FAM3D: variants seen among roughly 807,000 people sequenced by gnomAD.
The protein encoded by FAM3D is FAM3 metabolism regulating signaling molecule D.
A neutral mutation model predicts 29.8 loss-of-function variants in FAM3D; 26 were observed. That is an observed-to-expected ratio of 0.87 (90% CI 0.64 to 1.21). The LOEUF (loss-of-function observed/expected upper bound fraction) is 1.21. FAM3D is among the 50% of genes most tolerant of loss of function. The pLI is 0.00. For synonymous variants in FAM3D, 115 were observed against 102.3 expected, an observed-to-expected ratio of 1.12 and a Z score of -0.75; for missense variants, 253 against 290.9, an observed-to-expected ratio of 0.87 and a Z score of 0.95.
intron 8 of FAM3D, among the ~76,000 whole-genome samples, 173 bp downstream of exon 8, chr3:58,636,968 A>G (rs1397367592): frequency 6.6e-6 from 1 of 152,218 alleles, no homozygotes; most frequent in African/African-American, 2.4e-5. Context: ...CACTGTGGTA[A>G]TGAAGGCTGT....
intron 6 of FAM3D, among the ~76,000 whole-genome samples, chr3:58,640,439 C>G (rs1490374254): frequency 6.6e-6 from 1 of 152,190 alleles, no homozygotes; most frequent in African/African-American, 2.4e-5. Context: ...TCTGTCCTAC[C>G]AGTTTCTAAC....
chr3:58,655,518 A>G, intron 2 of FAM3D, 33 bp downstream of exon 2: 1 of 1,612,196 alleles, frequency 6.2e-7, no homozygotes, highest in Non-Finnish European at 8.5e-7. Flanking sequence ...CAGCTGACAG[A>G]AAAATGACTC....
rs747428988 is a variant in FAM3D at position 58,663,504 on chromosome 3, G to T, written c.-39+3072C>A. 8.0e-4 allele frequency among the ~76,000 whole-genome samples: 122 copies of T among 152,124 alleles called. 2 individuals carry two copies. The highest frequency in any genetic ancestry group is 2.6e-4 in the Admixed American group (4 of 15,272). ...TGGTTTGAGCTGGTTTCTGTCACTTGCACCCAGAAAAGTCCTACCTGATAC... is the reference window on the plus strand; with the variant it reads ...TGGTTTGAGCTGGTTTCTGTCACTTTCACCCAGAAAAGTCCTACCTGATAC... On this transcript the variant is annotated intron_variant, in intron 1 of 9. Transcript: ENST00000358781.
intron 1 of FAM3D, among the ~76,000 whole-genome samples, chr3:58,657,234 C>T (rs374221232): frequency 1.3e-5 from 2 of 151,802 alleles, no homozygotes; most frequent in Non-Finnish European, 1.5e-5. Flanking sequence ...AGTCGGTGGC[C>T]GGACAGGATG....
Position 58,634,288 on chromosome 3 carries a change from C to T in FAM3D, c.666G>A (p.Lys222=). 1 of 1,614,006 alleles carries T rather than the reference C, an allele frequency of 6.2e-7. No homozygotes were observed. The highest frequency in any genetic ancestry group is 1.7e-5 in the Admixed American group (1 of 60,016). ...LLEMEGCMPP[K]PF ...AAGAGCCACAGCCACCCTAAAATGG[C>T]TTCGGGGGCATGCAGCCCTCCATCT... The change falls in exon 10 of 10, where the codon AAG becomes AAA. Residue 222 remains lysine (K), a synonymous_variant. Transcript: ENST00000358781. This position sits in a 1 kb window ranked among gnomAD's most constrained non-coding sequence, Gnocchi z 4.6.
chr3:58,657,539 C>T (rs2066841829), intron 1 of FAM3D: 1 of 152,424 alleles, frequency 6.6e-6, no homozygotes, highest in Non-Finnish European at 1.5e-5. Context: ...GAGGGTTAGC[C>T]TCTTGCTGTC....
intron 5 of FAM3D, among the ~76,000 whole-genome samples, 184 bp downstream of exon 5, chr3:58,645,325 C>T (rs2066444399): frequency 6.6e-6 from 1 of 152,176 alleles, no homozygotes; most frequent in South Asian, 2.1e-4. Flanking sequence ...AAGCACCAGG[C>T]AAGGTGCTGG....
At position 58,636,333 on chromosome 3, in the gene FAM3D, T is replaced by C. The variant is rs527549904; in HGVS notation, c.546A>G (p.Ile182Met). Residue 182 changes from isoleucine (I) to methionine (M), a missense_variant, in exon 9 of 10, where the codon ATA becomes ATG. Ile to Met is a conservative substitution (Grantham distance 10). Transcript: ENST00000358781. The stretch of plus-strand genomic sequence containing the variant: ...TTTTACCCCTGAGGTCTTTGGCTCC[T>C]ATGAAGACCCAGCTGTCCCGGAAGC... ...QLGFRDSWVF[I>M]GAKDLRGKSP... 22 of 1,614,222 alleles carry C rather than the reference T, an allele frequency of 1.4e-5. No individual in the cohort carries two copies. The South Asian group carries it at 2.2e-4, about 16-fold the overall frequency.
At position 58,634,784 on chromosome 3, in the gene FAM3D, C is replaced by T. The variant is rs2066114959; in HGVS notation, c.586-416G>A. ...GGCCCTAGGGAGTGTGCACTGTTTACATCCCATTCTACAGATGGGGAAGCT... is the reference window on the plus strand; with the variant it reads ...GGCCCTAGGGAGTGTGCACTGTTTATATCCCATTCTACAGATGGGGAAGCT... On this transcript the variant is annotated intron_variant, in intron 9 of 9. Coordinates refer to ENST00000358781, the MANE Select transcript of FAM3D (RefSeq NM_138805.3). The surrounding 1 kb of genome is among the most constrained non-coding windows in gnomAD (Gnocchi z 4.6). Among the ~76,000 whole-genome samples, 1 of 152,196 alleles carries T rather than the reference C, an allele frequency of 6.6e-6. No homozygotes were observed. Among genetic ancestry groups the T allele is most frequent in the South Asian group, 2.1e-4 (1 of 4,830 alleles).
intron 3 of FAM3D, among the ~76,000 whole-genome samples, chr3:58,651,737 T>C (rs1391663212): frequency 6.7e-6 from 1 of 149,440 alleles, no homozygotes; most frequent in East Asian, 2.0e-4. Flanking sequence ...AGGACACCCC[T>C]GAGCCTCCTA....
intron 1 of FAM3D, among the ~76,000 whole-genome samples, chr3:58,663,395 C>A (rs1200866322): frequency 6.6e-6 from 1 of 152,144 alleles, no homozygotes; most frequent in African/African-American, 2.4e-5. Context: ...GTCATGTGAG[C>A]CCCCAGATCT....
chr3:58,643,546 G>T, intron 6 of FAM3D, 116 bp downstream of exon 6: 1 of 1,121,466 alleles, frequency 8.9e-7, no homozygotes, highest in Non-Finnish European at 1.4e-6. Context: ...TGAGCTCTAC[G>T]GGCATTCCTG....
Position 58,660,174 on chromosome 3 carries a change from AAC to A in FAM3D, c.-38-4575_-38-4574del, listed in dbSNP as rs148232501. 1.5e-3 allele frequency among the ~76,000 whole-genome samples: 235 copies of A among 152,332 alleles called. 1 individual carries two copies. The highest frequency in any genetic ancestry group is 5.5e-3 in the African/African-American group (227 of 41,578). On this transcript the variant is annotated intron_variant, in intron 1 of 9. Coordinates refer to ENST00000358781, the MANE Select transcript of FAM3D (RefSeq NM_138805.3). ...AGAGAGACAAAGAGAATGAAAAAGA[AAC>A]AGAGACACTCAGAGACTGGAAGTGG... is the stretch of plus-strand genomic sequence containing the variant.
intron 1 of FAM3D, among the ~76,000 whole-genome samples, chr3:58,663,859 C>T (rs950185501): frequency 9.9e-5 from 15 of 152,226 alleles, no homozygotes; most frequent in Admixed American, 4.6e-4. Context: ...CTCCCAGCTC[C>T]CAGCTCCATG....
At chr3:58,636,070 T>C (rs747355445) in intron 9 of FAM3D, among the ~76,000 whole-genome samples, 3 of 152,254 alleles carry the variant, frequency 2.0e-5, no homozygotes, top group Non-Finnish European at 4.4e-5. Flanking sequence ...TAATTATCTG[T>C]ATACCTGCGT....
chr3:58,650,154 A>T (rs566572670), intron 3 of FAM3D, among the ~76,000 whole-genome samples: 45 of 152,322 alleles, frequency 3.0e-4, no homozygotes, highest in African/African-American at 9.6e-4. Flanking sequence ...CGCCTGGAGG[A>T]CAGGGCCTCC....
In FAM3D at chr3:58,653,744, G is replaced by T. The variant is rs373992269; in HGVS notation, c.51C>A (p.Val17=). The T allele has an allele frequency of 4.3e-6, 7 of 1,613,954 alleles. No homozygotes were observed. The highest frequency in any genetic ancestry group is 5.1e-6 in the Non-Finnish European group (6 of 1,180,056). Reference sequence around the variant, plus strand: ...AGCTTCGAATAAACATCCATGTCGTGACTATGGCAAAGATGAGGGCCAGGA... The same window carrying T: ...AGCTTCGAATAAACATCCATGTCGTTACTATGGCAAAGATGAGGGCCAGGA... ...LRLLALIFAI[V]TTWMFIRSYM... Residue 17 remains valine (V), a synonymous_variant, in exon 3 of 10, where the codon GTC becomes GTA. Transcript: ENST00000358781.
intron 1 of FAM3D, among the ~76,000 whole-genome samples, chr3:58,663,837 G>A (rs11130668): frequency 0.39 from 59,458 of 151,826 alleles, 12,594 homozygotes; most frequent in Middle Eastern, 0.5. Context: ...GGCCCTGCTG[G>A]GTGACTCCCA....
In FAM3D at chr3:58,658,712, G is replaced by A. The variant is rs1259711869; in HGVS notation, c.-38-3111C>T. Among the ~76,000 whole-genome samples the A allele has an allele frequency of 3.9e-5, 6 of 152,182 alleles. No individual in the cohort carries two copies. In the East Asian group the frequency reaches 1.2e-3, roughly 29 times the overall value. ...AATCAGAGCTTTGCAATTTCCCTGT[G>A]ATTGGTTCAGGAGTGAGCATGTGAC... is the stretch of plus-strand genomic sequence containing the variant. On this transcript the variant is annotated intron_variant, in intron 1 of 9. Transcript: ENST00000358781.
Sources: allele counts gnomAD v4.1 joint callset (sites outside exome capture counted in the v4.1 genomes callset), GRCh38; gene constraint gnomAD v4.1.1; non-coding constraint Gnocchi (gnomAD v3.1); transcripts MANE v1.5; gene names NCBI Gene and HGNC (gene_info 2026-07-23, HGNC 2026-07-21).